The following PRKCH variants were observed in gnomAD, a reference collection of about 807,000 sequenced individuals.
The protein encoded by PRKCH is protein kinase C eta type.
PRKCH carries 28 observed loss-of-function variants against 82.5 expected under a neutral mutation model. The ratio of observed to expected loss-of-function variants is 0.34; its 90% CI spans 0.25 to 0.47. The LOEUF (loss-of-function observed/expected upper bound fraction) is 0.47, where lower values mean the gene tolerates loss of function less well. PRKCH is among the 20% of genes least tolerant of loss of function. The pLI is 1.00. For missense variants in PRKCH, 705 were observed against 881.8 expected (o/e 0.80, Z 2.54); for synonymous variants, 322 against 327.4 (o/e 0.98, Z 0.18).
At chr14:61,517,868 T>A (rs2042850017) in intron 10 of PRKCH, among the ~76,000 whole-genome samples, 1 of 152,250 alleles carries the variant, frequency 6.6e-6, no homozygotes. Context: ...TAAGGGGTCC[T>A]TCATACCTAT....
At chr14:61,405,619 C>T (rs371246502) in intron 2 of PRKCH, among the ~76,000 whole-genome samples, 1 of 152,188 alleles carries the variant, frequency 6.6e-6, no homozygotes, top group Admixed American at 6.5e-5. Flanking sequence ...CTCAGGTGAT[C>T]GGCACCCCTT....
At chr14:61,443,426 C>G (rs1242011151) in intron 3 of PRKCH, among the ~76,000 whole-genome samples, 165 bp downstream of exon 3, 2 of 152,176 alleles carry the variant, frequency 1.3e-5, no homozygotes, top group Non-Finnish European at 1.5e-5. Context: ...ATCTCCATTG[C>G]AAAAACATCT....
At chr14:61,354,596 G>C (rs1312110184) in intron 1 of PRKCH, among the ~76,000 whole-genome samples, 1 of 152,112 alleles carries the variant, frequency 6.6e-6, no homozygotes, top group African/African-American at 2.4e-5. Flanking sequence ...ACTGTGTACA[G>C]GGCCCTGGAG....
intron 10 of PRKCH, among the ~76,000 whole-genome samples, chr14:61,500,244 C>A (rs1886844944): frequency 6.6e-6 from 1 of 151,862 alleles, no homozygotes; most frequent in Non-Finnish European, 1.5e-5. Flanking sequence ...CCCTCTGTTG[C>A]CCAGGCTGGA....
intron 1 of PRKCH, among the ~76,000 whole-genome samples, chr14:61,235,981 C>A (rs2044784614): frequency 6.6e-6 from 1 of 152,180 alleles, no homozygotes; most frequent in Non-Finnish European, 1.5e-5. Flanking sequence ...TGATGGGAAG[C>A]AGGGGTCAGA....
intron 1 of PRKCH, among the ~76,000 whole-genome samples, chr14:61,195,297 G>A (rs2044432926): frequency 6.6e-6 from 1 of 152,070 alleles, no homozygotes; most frequent in African/African-American, 2.4e-5. Context: ...CAAATAAATT[G>A]TTTTCCCACC....
At chr14:61,278,858 T>C (rs1471757374) in intron 1 of PRKCH, 1 of 152,154 alleles carries the variant, frequency 6.6e-6, no homozygotes, top group Non-Finnish European at 1.5e-5. Flanking sequence ...TAAGACTATA[T>C]ATGCTTTAAC....
chr14:61,430,759 C>CTTT (rs76049144), intron 2 of PRKCH, among the ~76,000 whole-genome samples: 2 of 144,726 alleles, frequency 1.4e-5, no homozygotes, highest in African/African-American at 5.1e-5. Flanking sequence ...CAGCAGCTTC[C>CTTT]TTTTTTTTTT....
chr14:61,435,510 A>G (rs1362460209), intron 2 of PRKCH, among the ~76,000 whole-genome samples: 1 of 152,118 alleles, frequency 6.6e-6, no homozygotes, highest in Non-Finnish European at 1.5e-5. Flanking sequence ...CCTTGAAGAG[A>G]TGCTGACAAG....
chr14:61,428,891 CT>C (rs771455705), intron 2 of PRKCH, among the ~76,000 whole-genome samples: 1 of 151,886 alleles, frequency 6.6e-6, no homozygotes, highest in East Asian at 1.9e-4. Context: ...TTTAAAATAC[CT>C]TTTTTTGGAG....
rs200459998 is a variant in PRKCH at position 61,280,339 on chromosome 14, C to A, written c.-19+92671C>A. Reference sequence around the variant, plus strand: ...CAGCCCGGCCGAGTAGTTGCCCTGGCGGATGCGCGCGTACAGTTTGCGGAA... The same window carrying A: ...CAGCCCGGCCGAGTAGTTGCCCTGGAGGATGCGCGCGTACAGTTTGCGGAA... On this transcript the variant is annotated intron_variant, in intron 1 of 3. Transcript: ENST00000555185. This position sits in a 1 kb window ranked among gnomAD's most constrained non-coding sequence, Gnocchi z 5.0. The A allele has an allele frequency of 6.2e-7, 1 of 1,613,872 alleles. No homozygotes were observed. The highest frequency in any genetic ancestry group is 2.2e-5 in the East Asian group (1 of 44,876).
rs71117815 is a variant in PRKCH at position 61,416,053 on chromosome 14, C to CTTTTTTTT, written c.427+24779_427+24786dup. The stretch of plus-strand genomic sequence containing the variant: ...CCTCTTTTTTCTTTTCTTTTCTTTT[C>CTTTTTTTT]TTTTTTTTTTTTTTTTTTTTTGAGA... On this transcript the variant is annotated intron_variant, in intron 2 of 13. Transcript: ENST00000332981. Among the ~76,000 whole-genome samples, 307 of 94,126 alleles carry CTTTTTTTT rather than the reference C, an allele frequency of 3.3e-3. 4 individuals are homozygous for CTTTTTTTT. The highest frequency in any genetic ancestry group is 4.1e-3 in the Non-Finnish European group (211 of 51,670). The allele number at this position is 94,126 out of a possible 152,430, so 61.8% of individuals were successfully genotyped here.
rs2045243327 is a variant in PRKCH, at chr14:61,280,126, C to G, written c.-19+92458C>G. ...GTCGTCGTCGTCCTGGTCCTGGTAG[C>G]GAATGTAGACGACCAGCATGACAAA... On this transcript the variant is annotated intron_variant, in intron 1 of 3. Transcript: ENST00000555185. This position sits in a 1 kb window ranked among gnomAD's most constrained non-coding sequence, Gnocchi z 5.0. The G allele has an allele frequency of 6.2e-7, 1 of 1,613,352 alleles. No individual in the cohort carries two copies. The highest frequency in any genetic ancestry group is 1.3e-5 in the African/African-American group (1 of 74,880).
rs563885972 is a variant in PRKCH at position 61,370,194 on chromosome 14, C to T, written c.364-21031C>T. 5.3e-4 allele frequency among the ~76,000 whole-genome samples: 81 copies of T among 152,222 alleles called. 2 individuals are homozygous for T. Among genetic ancestry groups the T allele is most frequent in the Admixed American group, 1.4e-3 (22 of 15,304 alleles). On this transcript the variant is annotated intron_variant, in intron 1 of 13. Coordinates refer to ENST00000332981, the MANE Select transcript of PRKCH (RefSeq NM_006255.5). The stretch of plus-strand genomic sequence containing the variant: ...CTGACCTCAAGTGATCCGCCTGCCT[C>T]GGCCTCCCAAAGCGTTGGGATTACA...
At chr14:61,281,430 G>A (rs927316185) in intron 1 of PRKCH, 1 of 290,004 alleles carries the variant, frequency 3.4e-6, no homozygotes, top group Non-Finnish European at 6.8e-6. Flanking sequence ...TCCGAGGTGA[G>A]CAGGTGGGTG....
chr14:61,369,303 T>A (rs2046337769), intron 1 of PRKCH, among the ~76,000 whole-genome samples: 2 of 152,108 alleles, frequency 1.3e-5, no homozygotes, highest in Admixed American at 1.3e-4. Flanking sequence ...CAGGGGATAC[T>A]TATGCTGCTG....
intron 10 of PRKCH, among the ~76,000 whole-genome samples, chr14:61,496,457 A>G (rs1262263171): frequency 6.6e-6 from 1 of 152,168 alleles, no homozygotes; most frequent in Non-Finnish European, 1.5e-5. Flanking sequence ...CCCCCTGCTT[A>G]GAATGCTCCC....
At chr14:61,263,846 ATTGTGTGTGTGTGTGT>A (rs2045071410) in intron 1 of PRKCH, among the ~76,000 whole-genome samples, 1 of 123,370 alleles carries the variant, frequency 8.1e-6, no homozygotes, top group African/African-American at 3.2e-5. Context: ...AAGTCAGAGT[ATTGTGTGTGTGTGTGT>A]GTGTGTGTGT....
intron 9 of PRKCH, among the ~76,000 whole-genome samples, chr14:61,475,472 A>T (rs1443720658): frequency 6.6e-6 from 1 of 152,236 alleles, no homozygotes; most frequent in East Asian, 1.9e-4. Context: ...TTGACCAATC[A>T]ATTAAAACAC....
Sources: allele counts gnomAD v4.1 joint callset (sites outside exome capture counted in the v4.1 genomes callset), GRCh38; gene constraint gnomAD v4.1.1; non-coding constraint Gnocchi (gnomAD v3.1); transcripts MANE v1.5; gene names NCBI Gene and HGNC (gene_info 2026-07-23, HGNC 2026-07-21).